Variants in RNF185 observed in about 807,000 individuals in gnomAD.
The protein encoded by RNF185 is E3 ubiquitin-protein ligase RNF185.
Under a neutral mutation model 24.9 loss-of-function variants are expected in RNF185, and 13 were observed. The ratio of observed to expected loss-of-function variants is 0.52; its 90% CI spans 0.34 to 0.83. The LOEUF (loss-of-function observed/expected upper bound fraction) is 0.83. Among genes scored for constraint, RNF185 ranks in the 40% least tolerant of loss-of-function variants. RNF185 has a pLI of 0.01. For missense variants in RNF185, 184 were observed against 244.7 expected, an observed-to-expected ratio of 0.75 and a Z score of 1.65; for synonymous variants, 79 against 90.3, an observed-to-expected ratio of 0.88 and a Z score of 0.71.
In RNF185 at chr22:31,206,168, T is replaced by C. The variant is rs556774633; in HGVS notation, c.*1582T>C. On this transcript the variant is annotated 3_prime_UTR_variant, in exon 7 of 7. Coordinates refer to ENST00000326132, the MANE Select transcript of RNF185 (RefSeq NM_152267.4). Reference sequence around the variant, plus strand: ...TGCATAGTTTATGGAAACAAAGATCTTGAGGAAGATGAGGGAAGCCCTCCC... The same window carrying C: ...TGCATAGTTTATGGAAACAAAGATCCTGAGGAAGATGAGGGAAGCCCTCCC... 1 of 153,110 alleles carries C rather than the reference T, an allele frequency of 6.5e-6. No individual in the cohort carries two copies. Among genetic ancestry groups the C allele is most frequent in the South Asian group, 2.1e-4 (1 of 4,844 alleles). The allele number at this position is 153,110 out of a possible 1,614,324, so 9.5% of individuals were successfully genotyped here. A position where few individuals can be genotyped will look rare whatever the true frequency, so the allele number is the denominator to read the frequency against.
intron 1 of RNF185, among the ~76,000 whole-genome samples, chr22:31,161,393 A>G (rs1923566191): frequency 1.3e-5 from 2 of 152,162 alleles, no homozygotes; most frequent in African/African-American, 4.8e-5. Context: ...CTCTTTTGAC[A>G]CTTCCATCAC....
chr22:31,164,791 G>C (rs866579055), intron 1 of RNF185, among the ~76,000 whole-genome samples: 24 of 151,816 alleles, frequency 1.6e-4, no homozygotes, highest in African/African-American at 5.1e-4. Context: ...TCACCATGTT[G>C]GGCAGGCTGG....
At chr22:31,198,470 C>G (rs1346973066) in intron 5 of RNF185, among the ~76,000 whole-genome samples, 1 of 143,608 alleles carries the variant, frequency 7.0e-6, no homozygotes, top group African/African-American at 2.5e-5. Context: ...GCGATCTCGG[C>G]TCACCACAGC....
intron 1 of RNF185, among the ~76,000 whole-genome samples, chr22:31,182,374 G>A (rs1039147122): frequency 6.6e-6 from 1 of 151,862 alleles, no homozygotes; most frequent in African/African-American, 2.4e-5. Flanking sequence ...TGCAACTTCC[G>A]CCTCGCAAGC....
intron 1 of RNF185, among the ~76,000 whole-genome samples, chr22:31,160,628 C>G (rs533103060): frequency 2.0e-5 from 3 of 152,220 alleles, no homozygotes; most frequent in Admixed American, 6.5e-5. Flanking sequence ...ACGAGTTTGC[C>G]CTGAGTGGAG....
intron 1 of RNF185, among the ~76,000 whole-genome samples, chr22:31,168,093 T>C (rs1198499347): frequency 2.0e-5 from 3 of 152,236 alleles, no homozygotes. Context: ...TAACTCCCTA[T>C]TTCTTCTTCC....
chr22:31,164,209 G>T (rs1923764507), intron 1 of RNF185, among the ~76,000 whole-genome samples: 1 of 151,934 alleles, frequency 6.6e-6, no homozygotes, highest in African/African-American at 2.4e-5. Flanking sequence ...CTGAACTCCT[G>T]ACCTCAGGTG....
At chr22:31,171,156 C>CT (rs1555880873) in intron 1 of RNF185, among the ~76,000 whole-genome samples, 1 of 143,150 alleles carries the variant, frequency 7.0e-6, no homozygotes, top group African/African-American at 2.6e-5. Context: ...CTCTGATTTA[C>CT]TTATTTATTT....
chr22:31,188,778 C>A (rs2048123983), intron 2 of RNF185, among the ~76,000 whole-genome samples: 1 of 151,610 alleles, frequency 6.6e-6, no homozygotes, highest in African/African-American at 2.4e-5. Flanking sequence ...GATTGTATCA[C>A]TGCACTCCAG....
intron 5 of RNF185, 45 bp downstream of exon 5, chr22:31,197,035 T>G: frequency 6.2e-7 from 1 of 1,611,940 alleles, no homozygotes; most frequent in Non-Finnish European, 8.5e-7. Context: ...AGCTGATGGC[T>G]TTAGAAGTTT....
intron 1 of RNF185, among the ~76,000 whole-genome samples, chr22:31,170,079 C>T (rs764205712): frequency 5.3e-5 from 8 of 152,330 alleles, no homozygotes; most frequent in Non-Finnish European, 1.2e-4. Flanking sequence ...GTCCAGTTGC[C>T]AGGTTAATTC....
intron 1 of RNF185, among the ~76,000 whole-genome samples, chr22:31,164,583 C>CTTTTTT (rs200649012): frequency 3.3e-4 from 30 of 91,746 alleles, no homozygotes; most frequent in East Asian, 7.2e-4. Flanking sequence ...TCCTCATTGT[C>CTTTTTT]TTTTTTTTTT....
intron 2 of RNF185, among the ~76,000 whole-genome samples, chr22:31,188,869 C>T (rs1056324505): frequency 6.6e-6 from 1 of 151,116 alleles, no homozygotes; most frequent in Non-Finnish European, 1.5e-5. Flanking sequence ...GCCTGTAATC[C>T]CAGCACTTTG....
intron 1 of RNF185, among the ~76,000 whole-genome samples, chr22:31,183,772 A>G (rs1015563026): frequency 2.0e-5 from 3 of 152,216 alleles, no homozygotes; most frequent in Non-Finnish European, 2.9e-5. Context: ...GGAGTCTGCT[A>G]TGTCTACTTC....
intron 1 of RNF185, among the ~76,000 whole-genome samples, chr22:31,177,316 T>C (rs2047992762): frequency 6.6e-6 from 1 of 151,820 alleles, no homozygotes; most frequent in South Asian, 2.1e-4. Context: ...TTCATTCCTA[T>C]CTACTAAGTA....
intron 5 of RNF185, among the ~76,000 whole-genome samples, chr22:31,199,530 T>C (rs2048240855): frequency 1.3e-5 from 2 of 152,324 alleles, no homozygotes; most frequent in South Asian, 4.1e-4. Flanking sequence ...CTAGCGATGT[T>C]TTTTTGCATA....
Position 31,195,643 on chromosome 22 carries a change from C to G in RNF185, c.308+62C>G. The G allele has an allele frequency of 2.9e-6, 3 of 1,044,922 alleles. No individual in the cohort carries two copies. In the South Asian group the frequency reaches 4.2e-5, roughly 15 times the overall value. The allele number at this position is 1,044,922 out of a possible 1,614,324, so 64.7% of individuals were successfully genotyped here. A position where few individuals can be genotyped will look rare whatever the true frequency, so the allele number is the denominator to read the frequency against. On this transcript the variant is annotated intron_variant, in intron 4 of 6. Transcript: ENST00000326132. ...CCTTGGATGTGAATTCACTCCCATT[C>G]AGCATCCCCTAACCCCACCCTTTAC...
chr22:31,183,253 C>G (rs966757007), intron 1 of RNF185, among the ~76,000 whole-genome samples: 1 of 152,146 alleles, frequency 6.6e-6, no homozygotes, highest in Non-Finnish European at 1.5e-5. Context: ...TGATCAGTGT[C>G]TGAGTTTTAA....
intron 1 of RNF185, among the ~76,000 whole-genome samples, chr22:31,182,299 A>C: frequency 6.7e-6 from 1 of 150,154 alleles, no homozygotes; most frequent in East Asian, 2.0e-4. Flanking sequence ...TTATTTATTT[A>C]TTTTTTTTGA....
Sources: gnomAD v4.1 joint callset for allele counts (sites outside exome capture counted in the v4.1 genomes callset) on GRCh38, gnomAD v4.1.1 for gene constraint, MANE v1.5 for transcripts, NCBI Gene and HGNC (gene_info 2026-07-23, HGNC 2026-07-21) for gene names.